Variants in PEAK1 observed in about 807,000 individuals in gnomAD.
The protein encoded by PEAK1 is inactive tyrosine-protein kinase PEAK1.
PEAK1 carries 54 observed loss-of-function variants against 124.7 expected under a neutral mutation model. The ratio of observed to expected loss-of-function variants is 0.43; its 90% CI spans 0.35 to 0.54. PEAK1 has a LOEUF of 0.54. Ranked by LOEUF, PEAK1 falls within the 20% of genes least tolerant of loss-of-function variation. The pLI is 0.01. For missense variants in PEAK1, 2,046 were observed against 2,134.5 expected, an observed-to-expected ratio of 0.96 and a Z score of 0.82; for synonymous variants, 719 against 760.0, an observed-to-expected ratio of 0.95 and a Z score of 0.89.
At chr15:77,170,617 G>T (rs1567059318) in intron 7 of PEAK1, among the ~76,000 whole-genome samples, 2 of 152,100 alleles carry the variant, frequency 1.3e-5, no homozygotes. Flanking sequence ...TTAAATTCTG[G>T]TTCCTTAGGC....
At chr15:77,350,448 T>C (rs1055738726) in intron 2 of PEAK1, 2 of 985,424 alleles carry the variant, frequency 2.0e-6, no homozygotes, top group East Asian at 1.1e-4. Context: ...TTCCACTGAA[T>C]TAAGATAGTG....
chr15:77,383,277 C>CA (rs2069639232), intron 1 of PEAK1, among the ~76,000 whole-genome samples: 2 of 152,242 alleles, frequency 1.3e-5, no homozygotes, highest in South Asian at 4.1e-4. Context: ...CCACACCTCT[C>CA]AGCCTCCCAA....
intron 5 of PEAK1, among the ~76,000 whole-genome samples, chr15:77,255,059 A>G (rs1209801387): frequency 6.6e-6 from 1 of 152,196 alleles, no homozygotes; most frequent in African/African-American, 2.4e-5. Flanking sequence ...CCAGACATGT[A>G]AAGATTTAGG....
chr15:77,129,236 T>G (rs556482244), intron 9 of PEAK1, among the ~76,000 whole-genome samples: 1 of 152,312 alleles, frequency 6.6e-6, no homozygotes, highest in Non-Finnish European at 1.5e-5. Context: ...AGCAAATAAG[T>G]TGGAACCATG....
intron 7 of PEAK1, among the ~76,000 whole-genome samples, chr15:77,169,246 C>T (rs2056337112): frequency 6.6e-6 from 1 of 152,158 alleles, no homozygotes; most frequent in South Asian, 2.1e-4. Flanking sequence ...AATTTAAGCA[C>T]AGGTTGGCAA....
chr15:77,404,302 C>G, intron 1 of PEAK1: 1 of 985,366 alleles, frequency 1.0e-6, no homozygotes, highest in Non-Finnish European at 1.2e-6. Flanking sequence ...TTTATTGCAT[C>G]TTCTGGGGGG....
chr15:77,210,458 G>T (rs1450311650), intron 6 of PEAK1, among the ~76,000 whole-genome samples: 2 of 152,218 alleles, frequency 1.3e-5, no homozygotes, highest in African/African-American at 4.8e-5. Context: ...ACTCTACACT[G>T]ATTTTGTCCT....
At chr15:77,122,760 T>C (rs888837120) in intron 9 of PEAK1, among the ~76,000 whole-genome samples, 1 of 152,206 alleles carries the variant, frequency 6.6e-6, no homozygotes, top group Non-Finnish European at 1.5e-5. Flanking sequence ...AATCACTTTC[T>C]GTAAAGTTTC....
chr15:77,405,167 G>A (rs1159268912), intron 1 of PEAK1, among the ~76,000 whole-genome samples: 5 of 152,122 alleles, frequency 3.3e-5, no homozygotes, highest in Middle Eastern at 3.4e-3. Context: ...CACCACACCC[G>A]GCTAAGTTTT....
chr15:77,234,309 A>G (rs1206491664), intron 6 of PEAK1, among the ~76,000 whole-genome samples: 1 of 152,144 alleles, frequency 6.6e-6, no homozygotes, highest in African/African-American at 2.4e-5. Context: ...GCCAAGATTT[A>G]TCTATTTTAT....
intron 2 of PEAK1, among the ~76,000 whole-genome samples, chr15:77,324,391 G>C (rs2065437227): frequency 6.6e-6 from 1 of 152,160 alleles, no homozygotes; most frequent in South Asian, 2.1e-4. Flanking sequence ...TAAGGCACGA[G>C]AATCACTTGA....
chr15:77,176,752 G>A (rs1319522947), intron 7 of PEAK1, among the ~76,000 whole-genome samples: 2 of 152,156 alleles, frequency 1.3e-5, no homozygotes, highest in Non-Finnish European at 1.5e-5. Context: ...CCTATATACC[G>A]TGGCATGCAG....
At position 77,133,520 on chromosome 15, in the gene PEAK1, A is replaced by G. The variant is rs748730749; in HGVS notation, c.3562T>C (p.Tyr1188His). 1 of 1,614,218 alleles carries G rather than the reference A, an allele frequency of 6.2e-7. No homozygotes were observed. Among genetic ancestry groups the G allele is most frequent in the Non-Finnish European group, 8.5e-7 (1 of 1,180,034 alleles). The change falls in exon 9 of 10, where the codon TAT becomes CAT. Residue 1188 changes from tyrosine (Y) to histidine (H), a missense_variant. Tyr to His is a moderately conservative substitution (Grantham distance 83). Transcript: ENST00000682557. This position sits in a 1 kb window ranked among gnomAD's most constrained non-coding sequence, Gnocchi z 4.2. ...GCATCCCAGTTGGGGTCGATATCAT[A>G]GGTGGGATTAGCCATGACACAAAGA... ...SSLCVMANPT[Y>H]DIDPNWDASS...
intron 1 of PEAK1, chr15:77,418,759 C>G (rs2073096241): frequency 1.0e-6 from 1 of 985,252 alleles, no homozygotes; most frequent in African/African-American, 1.7e-5. Flanking sequence ...ACGTTTTTCA[C>G]TTCCACACTG....
At chr15:77,300,133 C>A (rs1473729898) in intron 2 of PEAK1, among the ~76,000 whole-genome samples, 3 of 152,210 alleles carry the variant, frequency 2.0e-5, no homozygotes, top group African/African-American at 7.2e-5. Context: ...GCACCTACAC[C>A]TTCCTGGGCC....
intron 8 of PEAK1, among the ~76,000 whole-genome samples, chr15:77,150,462 T>TC (rs2054514710): frequency 6.6e-6 from 1 of 152,166 alleles, no homozygotes; most frequent in Admixed American, 6.5e-5. Flanking sequence ...TTATTTTTTT[T>TC]CTACCAGTCT....
chr15:77,254,857 C>T (rs1462449092), intron 5 of PEAK1, among the ~76,000 whole-genome samples: 4 of 152,174 alleles, frequency 2.6e-5, no homozygotes, highest in African/African-American at 4.8e-5. Flanking sequence ...TCTGCTCTCA[C>T]AGAGTTTACG....
At chr15:77,351,357 T>C (rs893482389) in intron 2 of PEAK1, among the ~76,000 whole-genome samples, 3 of 152,040 alleles carry the variant, frequency 2.0e-5, no homozygotes, top group South Asian at 2.1e-4. Flanking sequence ...AGCTCGGTAA[T>C]AGGTAAGAAT....
chr15:77,233,325 CTG>C (rs2059985786), intron 6 of PEAK1, among the ~76,000 whole-genome samples: 1 of 152,194 alleles, frequency 6.6e-6, no homozygotes, highest in Admixed American at 6.5e-5. Flanking sequence ...TGTCCAAAGA[CTG>C]TATTTCCCCT....
Sources: gnomAD v4.1 joint callset for allele counts (sites outside exome capture counted in the v4.1 genomes callset) on GRCh38, gnomAD v4.1.1 for gene constraint, Gnocchi (gnomAD v3.1) non-coding constraint, MANE v1.5 for transcripts, NCBI Gene and HGNC (gene_info 2026-07-23, HGNC 2026-07-21) for gene names.